CAMK2B: variants seen among roughly 807,000 people sequenced by gnomAD.
CAMK2B encodes the protein calcium/calmodulin-dependent protein kinase type II subunit beta.
CAMK2B carries 27 observed loss-of-function variants against 93.7 expected under a neutral mutation model. The observed-to-expected ratio is 0.29, with a 90% confidence interval of 0.21 to 0.40. The LOEUF is 0.40. Among genes scored for constraint, CAMK2B ranks in the 10% least tolerant of loss-of-function variants. CAMK2B has a pLI of 1.00. For synonymous variants in CAMK2B, 374 were observed against 358.8 expected, an observed-to-expected ratio of 1.04 and a Z score of -0.48; for missense variants, 568 against 895.8, an observed-to-expected ratio of 0.63 and a Z score of 4.67.
At chr7:44,306,364 T>C (rs1791508696) in intron 1 of CAMK2B, among the ~76,000 whole-genome samples, 2 of 152,250 alleles carry the variant, frequency 1.3e-5, no homozygotes, top group Admixed American at 1.3e-4. Flanking sequence ...AGGTGAACCA[T>C]ATCCTCCAGA....
rs73317801 is a variant in CAMK2B at position 44,320,562 on chromosome 7, G to A, written c.65+4795C>T. On this transcript the variant is annotated intron_variant, in intron 1 of 23. Coordinates refer to ENST00000395749, the MANE Select transcript of CAMK2B (RefSeq NM_001220.5). ...TTAATATAATAAGCACCATTTAAGC[G>A]CTAGCAACTGTTACCAGAAAAGAAA... 8.0e-3 allele frequency among the ~76,000 whole-genome samples: 1,213 copies of A among 152,276 alleles called. 10 individuals are homozygous for A. Among genetic ancestry groups the A allele is most frequent in the African/African-American group, 0.027 (1,141 of 41,530 alleles).
chr7:44,239,622 C>T lies in CAMK2B; in HGVS notation c.988G>A (p.Ala330Thr), dbSNP rs1289568154. The change falls in exon 13 of 24, where the codon GCC (alanine) becomes ACC (threonine). Residue 330 changes from alanine (A) to threonine (T), a missense_variant. Around this residue, in one of 4 missense-constraint regions of CAMK2B, gnomAD observed 308 missense variants for 292.1 expected, o/e 1.05. Coordinates refer to ENST00000395749, the MANE Select transcript of CAMK2B (RefSeq NM_001220.5). The part of the protein sequence containing the change: ...TTAPATMSTA[A>T]SGTTMGLVEQ... ...ACCAGCCCCATGGTGGTGCCGGAGG[C>T]CGCGGTGGACATTGTGGCCGGAGCG... 4 of 1,550,196 alleles carry T rather than the reference C, an allele frequency of 2.6e-6. No homozygotes were observed. Among genetic ancestry groups the T allele is most frequent in the East Asian group, 2.4e-5 (1 of 40,914 alleles).
chr7:44,267,758 CA>C (rs1252197090), intron 2 of CAMK2B, among the ~76,000 whole-genome samples: 3 of 152,078 alleles, frequency 2.0e-5, no homozygotes, highest in African/African-American at 4.8e-5. Flanking sequence ...AAGCATTTAT[CA>C]AAAAACCCCC....
chr7:44,321,984 C>G (rs960091964), intron 1 of CAMK2B, among the ~76,000 whole-genome samples: 30 of 152,248 alleles, frequency 2.0e-4, no homozygotes, highest in African/African-American at 7.2e-4. Context: ...CTGCCAGGGA[C>G]ACACCCTAAA....
intron 2 of CAMK2B, among the ~76,000 whole-genome samples, chr7:44,283,626 G>A (rs1038997699): frequency 2.0e-5 from 3 of 152,356 alleles, no homozygotes; most frequent in African/African-American, 7.2e-5. Context: ...ATGACGCCAG[G>A]ACTCTGCTGT....
intron 1 of CAMK2B, among the ~76,000 whole-genome samples, chr7:44,290,633 T>C (rs1402679842): frequency 2.0e-5 from 3 of 152,132 alleles, no homozygotes; most frequent in Non-Finnish European, 4.4e-5. Flanking sequence ...ACCAAATTGG[T>C]ATTTATTTGT....
intron 20 of CAMK2B, among the ~76,000 whole-genome samples, chr7:44,222,842 T>TG (rs5883893): frequency 1 from 152,307 of 152,310 alleles, 76,152 homozygotes; most frequent in Non-Finnish European, 1. Context: ...ACCTGGCAGG[T>TG]GACTGAGTCC....
Position 44,241,911 on chromosome 7 carries a change from T to C in CAMK2B, c.820-128A>G, listed in dbSNP as rs1584080744. The C allele has an allele frequency of 4.0e-6, 3 of 752,266 alleles. No individual in the cohort carries two copies. The South Asian group carries it at 4.9e-5, about 12-fold the overall frequency. 46.6% of individuals were successfully genotyped at this position (752,266 alleles called of 1,614,324 possible). On this transcript the variant is annotated intron_variant, in intron 10 of 23. Coordinates refer to ENST00000395749, the MANE Select transcript of CAMK2B (RefSeq NM_001220.5). ...CCACCGGCCACCATTGCGGCAAGGG[T>C]TGTCTGTCCCCACCCGCCTGGGACT...
intron 1 of CAMK2B, among the ~76,000 whole-genome samples, chr7:44,303,380 T>G (rs1012286333): frequency 6.6e-6 from 1 of 152,306 alleles, no homozygotes; most frequent in African/African-American, 2.4e-5. Flanking sequence ...GGCAAGTTAT[T>G]TTGTGTATAT....
chr7:44,231,266 C>G (rs745632352), intron 16 of CAMK2B, among the ~76,000 whole-genome samples: 2 of 152,186 alleles, frequency 1.3e-5, no homozygotes, highest in Non-Finnish European at 2.9e-5. Context: ...GGACCTCATG[C>G]GGCAGTGACC....
Position 44,253,300 on chromosome 7 carries a change from G to T in CAMK2B, c.341+1242C>A, listed in dbSNP as rs369379447. On this transcript the variant is annotated intron_variant, in intron 5 of 23. Coordinates refer to ENST00000395749, the MANE Select transcript of CAMK2B (RefSeq NM_001220.5). ...GCAATCTCAGCTCACTGCAAACTCCGCCTCCTGGGTTCAAGCAATTCTCCT... is the reference window on the plus strand; with the variant it reads ...GCAATCTCAGCTCACTGCAAACTCCTCCTCCTGGGTTCAAGCAATTCTCCT... Among the ~76,000 whole-genome samples, 61 of 147,592 alleles carry T rather than the reference G, an allele frequency of 4.1e-4. No individual in the cohort carries two copies. The East Asian group carries it at 0.011, about 26-fold the overall frequency.
Position 44,234,658 on chromosome 7 carries a change from T to C in CAMK2B, c.1040A>G (p.Lys347Arg). ...CCTCACCTTGACTCCATCTGCTTTCTTGTTGAGTAAACTCTTGGCTGCTGC... is the reference window on the plus strand; with the variant it reads ...CCTCACCTTGACTCCATCTGCTTTCCTGTTGAGTAAACTCTTGGCTGCTGC... ...LVEQAKSLLN[K>R]KADGVKPQTN... Residue 347 changes from lysine to arginine, a missense_variant, in exon 14 of 24, where the codon AAG becomes AGG. Physicochemically the swap from Lys to Arg is conservative, Grantham distance 26. This residue lies in a region of CAMK2B where 308 missense variants were observed against 292.1 expected (regional missense o/e 1.05). Coordinates refer to ENST00000395749, the MANE Select transcript of CAMK2B (RefSeq NM_001220.5). The C allele has an allele frequency of 6.2e-7, 1 of 1,614,116 alleles. No individual in the cohort carries two copies. Among genetic ancestry groups the C allele is most frequent in the South Asian group, 1.1e-5 (1 of 91,088 alleles).
At chr7:44,250,329 C>T (rs1163905735) in intron 5 of CAMK2B, among the ~76,000 whole-genome samples, 1 of 152,210 alleles carries the variant, frequency 6.6e-6, no homozygotes, top group Non-Finnish European at 1.5e-5. Flanking sequence ...GATGTCTTCT[C>T]TAGGAAGGGC....
chr7:44,230,509 G>C (rs868471919), intron 17 of CAMK2B, among the ~76,000 whole-genome samples: 1 of 152,168 alleles, frequency 6.6e-6, no homozygotes, highest in African/African-American at 2.4e-5. Flanking sequence ...ATTGGCCTGG[G>C]TGAGCAAGGG....
intron 1 of CAMK2B, among the ~76,000 whole-genome samples, chr7:44,289,787 C>T (rs1225389339): frequency 2.0e-5 from 3 of 152,246 alleles, no homozygotes; most frequent in East Asian, 3.8e-4. Flanking sequence ...CCATGACAGG[C>T]TGCTGAGCTC....
intron 5 of CAMK2B, among the ~76,000 whole-genome samples, chr7:44,253,464 C>T (rs1422520727): frequency 1.3e-5 from 2 of 152,186 alleles, no homozygotes; most frequent in Non-Finnish European, 2.9e-5. Context: ...CCGCCCACCT[C>T]GGCCTCCCAA....
chr7:44,234,957 G>T (rs1425866454), intron 13 of CAMK2B, among the ~76,000 whole-genome samples: 8 of 152,220 alleles, frequency 5.3e-5, no homozygotes, highest in Admixed American at 3.9e-4. Context: ...GTGCTGGGGA[G>T]CCCCCTTGGC....
chr7:44,263,466 G>A (rs2096897651), intron 2 of CAMK2B, among the ~76,000 whole-genome samples: 1 of 152,204 alleles, frequency 6.6e-6, no homozygotes, highest in African/African-American at 2.4e-5. Context: ...GGGGCCGGGA[G>A]GGGGTTGAGG....
chr7:44,322,410 C>A (rs1796331118), intron 1 of CAMK2B, among the ~76,000 whole-genome samples: 1 of 152,114 alleles, frequency 6.6e-6, no homozygotes, highest in Non-Finnish European at 1.5e-5. Context: ...TAAAAAAGGA[C>A]TTAAAGCCAA....
Sources: gnomAD v4.1 joint callset for allele counts (sites outside exome capture counted in the v4.1 genomes callset) on GRCh38, gnomAD v4.1.1 for gene constraint, gnomAD v4.1.1 regional missense constraint, MANE v1.5 for transcripts, NCBI Gene and HGNC (gene_info 2026-07-23, HGNC 2026-07-21) for gene names.